Variants in MYO7B observed in about 807,000 individuals in gnomAD.
MYO7B encodes the protein unconventional myosin-VIIb.
In MYO7B, 212 loss-of-function variants were observed where a neutral mutation model predicts 259.7. The ratio of observed to expected loss-of-function variants is 0.82; its 90% CI spans 0.73 to 0.91. The LOEUF is 0.91. MYO7B is among the 40% of genes least tolerant of loss of function. The probability of loss-of-function intolerance (pLI) is 0.00; values close to 1 mark genes in which losing one functional copy is unlikely to be tolerated. For missense variants in MYO7B, 2,732 were observed against 2,813.5 expected (o/e 0.97, Z 0.66); for synonymous variants, 1,197 against 1,166.4 (o/e 1.03, Z -0.54).
At position 127,586,522 on chromosome 2, in the gene MYO7B, C is replaced by T. The variant is rs150465790; in HGVS notation, c.1690+1609C>T. On this transcript the variant is annotated intron_variant, in intron 14 of 47. Transcript: ENST00000409816. This position sits in a 1 kb window ranked among gnomAD's most constrained non-coding sequence, Gnocchi z 4.8. ...AGGGAGAAAGGGAAAGGTGCCGTGG[C>T]TCCTTCATAGTTCCTGCCACATCCT... Among the ~76,000 whole-genome samples, 12 of 152,262 alleles carry T rather than the reference C, an allele frequency of 7.9e-5. No individual in the cohort carries two copies. Among genetic ancestry groups the T allele is most frequent in the African/African-American group, 2.6e-4 (11 of 41,548 alleles).
In MYO7B at chr2:127,578,146, C is replaced by A. The variant is rs751968066; in HGVS notation, c.863C>A (p.Ser288Tyr). ...YHYLTMGNCT[S>Y]CEGLNDAKDY... is the part of the protein sequence containing the mutation. ...CCTGTCCCTCAGGGGAACTGCACTT[C>A]CTGTGAGGGGCTCAACGACGCCAAG... Residue 288 changes from serine to tyrosine, a missense_variant, in exon 9 of 48, where the codon TCC becomes TAC. By Grantham distance (144) the Ser-to-Tyr change is moderately radical. Transcript: ENST00000409816. 1.9e-6 allele frequency: 3 copies of A among 1,613,810 alleles called. No individual in the cohort carries two copies. The highest frequency in any genetic ancestry group is 2.5e-6 in the Non-Finnish European group (3 of 1,179,876).
chr2:127,617,487 G>GTTTTTTTTTTTT lies in MYO7B; in HGVS notation c.3399-2838_3399-2827dup, dbSNP rs35542480. ...ATGCTGCCAGCAGACTTGTAACGGG[G>GTTTTTTTTTTTT]TTTTTTTTTTTTTTTTTTTTTTTTT... On this transcript the variant is annotated intron_variant, in intron 26 of 47. Coordinates refer to ENST00000409816, the MANE Select transcript of MYO7B (RefSeq NM_001393586.1). Among the ~76,000 whole-genome samples, 6 of 84,824 alleles carry GTTTTTTTTTTTT rather than the reference G, an allele frequency of 7.1e-5. 1 individual carries two copies. The highest frequency in any genetic ancestry group is 2.1e-4 in the African/African-American group (4 of 19,202). The allele number at this position is 84,824 out of a possible 152,430, so 55.6% of individuals were successfully genotyped here.
chr2:127,637,228 T>C (rs975075713), intron 47 of MYO7B, 88 bp from the exon 48 acceptor site: 3 of 1,046,936 alleles, frequency 2.9e-6, no homozygotes, highest in African/African-American at 3.2e-5. Flanking sequence ...CACTGCTGGT[T>C]GCTGAGGAAG....
chr2:127,552,824 A>G (rs1693500712), intron 1 of MYO7B, among the ~76,000 whole-genome samples: 1 of 152,162 alleles, frequency 6.6e-6, no homozygotes, highest in African/African-American at 2.4e-5. Flanking sequence ...GCTGTCTGGG[A>G]GCCAGGATTC....
At chr2:127,630,742 G>A in intron 35 of MYO7B, 36 bp from the exon 36 acceptor site, 2 of 1,607,582 alleles carry the variant, frequency 1.2e-6, no homozygotes, top group Non-Finnish European at 1.7e-6. Flanking sequence ...CATGGGCGGT[G>A]GCTCCTGGGC....
At chr2:127,594,775 G>A (rs1679699556) in intron 18 of MYO7B, among the ~76,000 whole-genome samples, 1 of 152,156 alleles carries the variant, frequency 6.6e-6, no homozygotes, top group South Asian at 2.1e-4. Flanking sequence ...TGAATTACGT[G>A]TATTGATTTG....
intron 1 of MYO7B, among the ~76,000 whole-genome samples, chr2:127,552,446 A>G (rs2163345): frequency 0.85 from 128,647 of 152,070 alleles, 54,883 homozygotes; most frequent in East Asian, 1. Context: ...TGTTGTGGTG[A>G]GGAGGGGCGG....
At chr2:127,555,695 T>C (rs572863023) in intron 1 of MYO7B, among the ~76,000 whole-genome samples, 1 of 152,352 alleles carries the variant, frequency 6.6e-6, no homozygotes, top group East Asian at 1.9e-4. Flanking sequence ...TTCCATGTAT[T>C]TGCATGGTTT....
chr2:127,582,539 C>T (rs912530017), intron 12 of MYO7B, 93 bp downstream of exon 12: 5 of 1,457,608 alleles, frequency 3.4e-6, no homozygotes, highest in Non-Finnish European at 4.6e-6. Context: ...GGAGCCGTCA[C>T]CCTGCACCCA....
rs550677152 is a variant in MYO7B, at chr2:127,590,707, G to A, written c.1992+478G>A. Among the ~76,000 whole-genome samples, 57 of 152,342 alleles carry A rather than the reference G, an allele frequency of 3.7e-4. No individual in the cohort carries two copies. Among genetic ancestry groups the A allele is most frequent in the Non-Finnish European group, 6.5e-4 (44 of 68,018 alleles). On this transcript the variant is annotated intron_variant, in intron 16 of 47. Coordinates refer to ENST00000409816, the MANE Select transcript of MYO7B (RefSeq NM_001393586.1). This position sits in a 1 kb window ranked among gnomAD's most constrained non-coding sequence, Gnocchi z 4.6. Reference sequence around the variant, plus strand: ...ACCTGCTGTGAGACGGTGAGGGGGTGAGAGCCCACACTCCCTGCCCACAAC... The same window carrying A: ...ACCTGCTGTGAGACGGTGAGGGGGTAAGAGCCCACACTCCCTGCCCACAAC...
rs1452881391 is a variant in MYO7B at position 127,622,063 on chromosome 2, G to A, written c.3607G>A (p.Gly1203Arg). ...GCGCCTGAGACGCACCTATGCCAAT[G>A]GGGTGCGTGCGGAGCCCCCCACCTG... Reference protein sequence around the residue: ...AERLRRTYANGVRAEPPTWLE... With the variant: ...AERLRRTYANRVRAEPPTWLE... The change falls in exon 28 of 48, where the codon GGG (glycine) becomes AGG (arginine). Residue 1203 changes from glycine to arginine, a missense_variant. Around this residue, in one of 3 missense-constraint regions of MYO7B, gnomAD observed 1,906 missense variants for 2,026.4 expected, o/e 0.94. Coordinates refer to ENST00000409816, the MANE Select transcript of MYO7B (RefSeq NM_001393586.1). 1 of 1,551,642 alleles carries A rather than the reference G, an allele frequency of 6.4e-7. No homozygotes were observed. The highest frequency in any genetic ancestry group is 8.7e-7 in the Non-Finnish European group (1 of 1,146,970).
chr2:127,619,900 C>G (rs1020584880), intron 26 of MYO7B: 1 of 153,472 alleles, frequency 6.5e-6, no homozygotes, highest in African/African-American at 2.4e-5. Context: ...GGTTGAGTGG[C>G]TCCCATGAAG....
At chr2:127,566,596 T>G in intron 4 of MYO7B, 47 bp from the exon 5 acceptor site, 2 of 1,492,060 alleles carry the variant, frequency 1.3e-6, no homozygotes, top group Non-Finnish European at 1.8e-6. Flanking sequence ...CAGGGCCGAG[T>G]ACCTCTGCCA....
intron 6 of MYO7B, among the ~76,000 whole-genome samples, chr2:127,571,909 A>G (rs1022063820): frequency 6.6e-6 from 1 of 152,166 alleles, no homozygotes; most frequent in African/African-American, 2.4e-5. Flanking sequence ...TTTGCAGGGC[A>G]GAAGTTTTAA....
rs1283444931 is a variant in MYO7B at position 127,576,812 on chromosome 2, C to G, written c.849+104C>G. The G allele has an allele frequency of 1.0e-5, 8 of 796,652 alleles. No individual in the cohort carries two copies. Among genetic ancestry groups the G allele is most frequent in the Non-Finnish European group, 1.6e-5 (8 of 513,804 alleles). 49.3% of individuals were successfully genotyped at this position (796,652 alleles called of 1,614,324 possible). A position where few individuals can be genotyped will look rare whatever the true frequency, so the allele number is the denominator to read the frequency against. On this transcript the variant is annotated intron_variant, in intron 8 of 47. Transcript: ENST00000409816. The surrounding 1 kb of genome is among the most constrained non-coding windows in gnomAD (Gnocchi z 4.9). ...AGCTGCAGAGAAGCCCAACGCTGGC[C>G]GGGCCCCTGAGGCGGGGCTGGTTCC...
At chr2:127,595,166 A>C (rs1679713336) in intron 18 of MYO7B, among the ~76,000 whole-genome samples, 1 of 152,204 alleles carries the variant, frequency 6.6e-6, no homozygotes, top group Admixed American at 6.5e-5. Context: ...TGATCTATTC[A>C]GGGATTCACC....
rs1409195096 is a variant in MYO7B at position 127,628,349 on chromosome 2, G to A, written c.4461-23G>A. ...CAGGGGAAGGTGGAGGGGGCTCCTG[G>A]TCACGCTGTCCTTCATCTCCAGGGA... is the stretch of plus-strand genomic sequence containing the variant. On this transcript the variant is annotated intron_variant, in intron 33 of 47. Transcript: ENST00000409816. This position sits in a 1 kb window ranked among gnomAD's most constrained non-coding sequence, Gnocchi z 4.8. The A allele has an allele frequency of 5.0e-6, 8 of 1,586,096 alleles. No individual in the cohort carries two copies. Among genetic ancestry groups the A allele is most frequent in the South Asian group, 1.2e-5 (1 of 86,584 alleles).
chr2:127,616,665 C>T (rs1236451175), intron 26 of MYO7B, among the ~76,000 whole-genome samples: 1 of 152,302 alleles, frequency 6.6e-6, no homozygotes, highest in African/African-American at 2.4e-5. Context: ...TAACGCACTC[C>T]GACTGGGAGA....
rs574852373 is a variant in MYO7B at position 127,632,743 on chromosome 2, G to A, written c.5405+342G>A. Among the ~76,000 whole-genome samples the A allele has an allele frequency of 8.6e-5, 13 of 151,848 alleles. No homozygotes were observed. In the East Asian group the frequency reaches 1.5e-3, roughly 18 times the overall value. ...GAGGCCCATCCTTCCAAGTCCATGC[G>A]GCCTCCCTCATCCGCCCACAGCCGT... On this transcript the variant is annotated intron_variant, in intron 39 of 47. Coordinates refer to ENST00000409816, the MANE Select transcript of MYO7B (RefSeq NM_001393586.1).
Sources: gnomAD v4.1 joint callset for allele counts (sites outside exome capture counted in the v4.1 genomes callset) on GRCh38, gnomAD v4.1.1 for gene constraint, gnomAD v4.1.1 regional missense constraint, Gnocchi (gnomAD v3.1) non-coding constraint, MANE v1.5 for transcripts, NCBI Gene and HGNC (gene_info 2026-07-23, HGNC 2026-07-21) for gene names.